The following SPIDR variants were observed in gnomAD, a reference collection of about 807,000 sequenced individuals.
SPIDR encodes the protein scaffold protein involved in DNA repair, also known as DNA repair-scaffolding protein.
Under a neutral mutation model 104.6 loss-of-function variants are expected in SPIDR, and 93 were observed. That is an observed-to-expected ratio of 0.89 (90% CI 0.75 to 1.06). The LOEUF is 1.06. Ranked by LOEUF, SPIDR falls within the 50% of genes least tolerant of loss-of-function variation. SPIDR has a pLI of 0.00. For missense variants in SPIDR, 1,154 were observed against 1,111.2 expected (o/e 1.04, Z -0.55); for synonymous variants, 431 against 416.9 (o/e 1.03, Z -0.41).
At chr8:47,393,062 C>A (rs1215783225) in intron 5 of SPIDR, among the ~76,000 whole-genome samples, 1 of 152,164 alleles carries the variant, frequency 6.6e-6, no homozygotes, top group African/African-American at 2.4e-5. Flanking sequence ...GCCTTCACAT[C>A]CTGATTCTCA....
At chr8:47,547,258 T>C (rs191150779) in intron 8 of SPIDR, 15 of 607,940 alleles carry the variant, frequency 2.5e-5, no homozygotes, top group East Asian at 4.0e-5. Context: ...TGTAACACGA[T>C]GTACAGCAAA....
intron 8 of SPIDR, among the ~76,000 whole-genome samples, chr8:47,501,234 A>G (rs2080373948): frequency 6.6e-6 from 1 of 152,242 alleles, no homozygotes; most frequent in East Asian, 1.9e-4. Context: ...TACCTTGGGC[A>G]TCATGGCCAT....
intron 5 of SPIDR, among the ~76,000 whole-genome samples, chr8:47,307,478 C>T (rs2043284305): frequency 1.3e-5 from 2 of 150,580 alleles, no homozygotes; most frequent in South Asian, 2.1e-4. Context: ...CTTGGCCTCC[C>T]AAAATGCTGG....
chr8:47,625,147 T>C (rs1400665742), intron 10 of SPIDR, among the ~76,000 whole-genome samples: 4 of 152,170 alleles, frequency 2.6e-5, no homozygotes, highest in Admixed American at 1.3e-4. Flanking sequence ...TACATGATTA[T>C]CTCAATAGAG....
chr8:47,602,440 T>C (rs1055276113), intron 10 of SPIDR, among the ~76,000 whole-genome samples: 1 of 152,218 alleles, frequency 6.6e-6, no homozygotes, highest in African/African-American at 2.4e-5. Context: ...AAGACAACCT[T>C]GATTACTGTG....
At chr8:47,559,454 C>G (rs755062303) in intron 8 of SPIDR, among the ~76,000 whole-genome samples, 4 of 152,210 alleles carry the variant, frequency 2.6e-5, no homozygotes, top group Admixed American at 6.5e-5. Flanking sequence ...GTCCCCCTTC[C>G]TCAGCCTCTG....
intron 11 of SPIDR, among the ~76,000 whole-genome samples, chr8:47,698,650 C>T (rs998072640): frequency 7.9e-5 from 12 of 152,170 alleles, no homozygotes; most frequent in Non-Finnish European, 1.2e-4. Context: ...ATAGAACTTT[C>T]CTATGGCTGT....
chr8:47,501,751 G>A (rs2154371459), intron 8 of SPIDR, among the ~76,000 whole-genome samples: 1 of 152,242 alleles, frequency 6.6e-6, no homozygotes, highest in East Asian at 1.9e-4. Context: ...TCCAGTTTTT[G>A]CCCATTCAGT....
In SPIDR at chr8:47,293,858, A is replaced by G; in HGVS notation, c.362-9A>G. On this transcript the variant is annotated splice_polypyrimidine_tract_variant and intron_variant, in intron 4 of 19. Coordinates refer to ENST00000297423, the MANE Select transcript of SPIDR (RefSeq NM_001080394.4). Reference sequence around the variant, plus strand: ...GATAATTAAGCAAGTTAAAAATTATATTTTTTAGATGAATTACAGTTTATC... The same window carrying G: ...GATAATTAAGCAAGTTAAAAATTATGTTTTTTAGATGAATTACAGTTTATC... 6.3e-7 allele frequency: 1 copy of G among 1,598,894 alleles called. No homozygotes were observed. The highest frequency in any genetic ancestry group is 8.5e-7 in the Non-Finnish European group (1 of 1,171,740).
chr8:47,306,063 T>A (rs2043037146), intron 5 of SPIDR, among the ~76,000 whole-genome samples: 1 of 152,260 alleles, frequency 6.6e-6, no homozygotes, highest in Non-Finnish European at 1.5e-5. Flanking sequence ...ATGAATAGAA[T>A]CATACAGTAT....
intron 11 of SPIDR, among the ~76,000 whole-genome samples, chr8:47,676,462 A>T (rs897983496): frequency 6.6e-6 from 1 of 151,874 alleles, no homozygotes; most frequent in South Asian, 2.1e-4. Flanking sequence ...GGGATGTTAT[A>T]ATTGCTTATT....
Position 47,545,097 on chromosome 8 carries a change from T to G in SPIDR, c.1098-50714T>G, listed in dbSNP as rs991861631. Among the ~76,000 whole-genome samples the G allele has an allele frequency of 8.0e-5, 11 of 138,166 alleles. No individual in the cohort carries two copies. The South Asian group carries it at 2.6e-3, about 33-fold the overall frequency. 90.6% of individuals were successfully genotyped at this position (138,166 alleles called of 152,430 possible). On this transcript the variant is annotated intron_variant, in intron 8 of 19. Transcript: ENST00000297423. ...TTTCTTTCTTTCTTTCTTTCTTTCTTTCTTTCTTTCTTTCTTTCTTTCTTT... is the reference window on the plus strand; with the variant it reads ...TTTCTTTCTTTCTTTCTTTCTTTCTGTCTTTCTTTCTTTCTTTCTTTCTTT...
chr8:47,488,186 C>A (rs1247780072), intron 8 of SPIDR, among the ~76,000 whole-genome samples: 1 of 152,166 alleles, frequency 6.6e-6, no homozygotes, highest in Non-Finnish European at 1.5e-5. Context: ...ACCGGTCCCA[C>A]AGAAATGCAA....
intron 8 of SPIDR, among the ~76,000 whole-genome samples, chr8:47,534,176 A>G (rs2086525443): frequency 6.6e-6 from 1 of 152,232 alleles, no homozygotes. Flanking sequence ...TCCCGAGGCC[A>G]TCCCAGCCAT....
chr8:47,483,979 G>A (rs764809128), intron 8 of SPIDR, among the ~76,000 whole-genome samples: 9 of 148,242 alleles, frequency 6.1e-5, no homozygotes, highest in East Asian at 1.9e-4. Flanking sequence ...GTACAGCTTC[G>A]TGTTAAAAAA....
chr8:47,592,269 A>ACAAGCG, intron 8 of SPIDR: 2 of 1,213,960 alleles, frequency 1.6e-6, no homozygotes, highest in Non-Finnish European at 2.4e-6. Context: ...GGAGCACATA[A>ACAAGCG]CAAGGCCTGG....
chr8:47,594,619 G>A (rs1227979399), intron 8 of SPIDR, among the ~76,000 whole-genome samples: 1 of 152,092 alleles, frequency 6.6e-6, no homozygotes. Flanking sequence ...AGCAGGCTTT[G>A]GTAGAGCTTT....
chr8:47,515,216 T>G (rs1745122285), intron 8 of SPIDR, among the ~76,000 whole-genome samples: 1 of 152,228 alleles, frequency 6.6e-6, no homozygotes, highest in Non-Finnish European at 1.5e-5. Flanking sequence ...TGCCAGTTTC[T>G]TCTGCTAAAA....
chr8:47,709,909 C>T (rs552822329), intron 14 of SPIDR, among the ~76,000 whole-genome samples: 2 of 124,094 alleles, frequency 1.6e-5, no homozygotes, highest in African/African-American at 6.3e-5. Context: ...TTTTGAGATG[C>T]TCTGTCAGTC....
Sources: gnomAD v4.1 joint callset for allele counts (sites outside exome capture counted in the v4.1 genomes callset) on GRCh38, gnomAD v4.1.1 for gene constraint, MANE v1.5 for transcripts, NCBI Gene and HGNC (gene_info 2026-07-23, HGNC 2026-07-21) for gene names.